ABCA10: variants seen among roughly 807,000 people sequenced by gnomAD.
ABCA10 encodes the protein ATP-binding cassette sub-family A member 10.
ABCA10 carries 169 observed loss-of-function variants against 187.5 expected under a neutral mutation model. The observed-to-expected ratio is 0.90, with a 90% CI of 0.80 to 1.02. The LOEUF (loss-of-function observed/expected upper bound fraction) is 1.02, where lower values mean the gene tolerates loss of function less well. Among genes scored for constraint, ABCA10 ranks in the 50% least tolerant of loss-of-function variants. ABCA10 has a pLI of 0.00. For synonymous variants in ABCA10, 574 were observed against 601.8 expected (o/e 0.95, Z 0.68); for missense variants, 1,727 against 1,812.4 (o/e 0.95, Z 0.86).
chr17:69,235,764 ACT>A (rs1352110481), intron 1 of ABCA10, among the ~76,000 whole-genome samples: 1 of 151,810 alleles, frequency 6.6e-6, no homozygotes, highest in Non-Finnish European at 1.5e-5. Flanking sequence ...TCTCATGGTT[ACT>A]GAGATTTAAA....
Position 69,152,443 on chromosome 17 carries a change from C to A in ABCA10, c.4175G>T (p.Gly1392Val). 4 of 1,613,664 alleles carry A rather than the reference C, an allele frequency of 2.5e-6. No individual in the cohort carries two copies. The highest frequency in any genetic ancestry group is 3.4e-6 in the Non-Finnish European group (4 of 1,179,760). ...LQATVKNKERGTLLTTHYMSE... is the reference protein window; with the variant it reads ...LQATVKNKERVTLLTTHYMSE... ...CATGTAATGGGTGGTCAAGAGGGTG[C>A]CCCTCTCCTTGTTTTTAACGGTAGC... The change falls in exon 35 of 39, where the codon GGC becomes GTC. Residue 1392 changes from glycine to valine, a missense_variant. By Grantham distance (109) the Gly-to-Val change is moderately radical. Coordinates refer to ENST00000690296, the MANE Select transcript of ABCA10 (RefSeq NM_001377321.1).
chr17:69,216,998 G>C (rs1308928434), intron 6 of ABCA10, among the ~76,000 whole-genome samples: 2 of 152,122 alleles, frequency 1.3e-5, no homozygotes, highest in African/African-American at 2.4e-5. Context: ...TGTAATCCCA[G>C]CACTTTGGGA....
intron 1 of ABCA10, among the ~76,000 whole-genome samples, chr17:69,239,816 C>A (rs938691162): frequency 1.3e-5 from 2 of 152,148 alleles, no homozygotes; most frequent in Non-Finnish European, 2.9e-5. Context: ...GTGACGTTGG[C>A]GTGCCCTTCA....
intron 27 of ABCA10, 115 bp from the exon 28 acceptor site, chr17:69,157,038 T>A: frequency 1.6e-6 from 1 of 617,260 alleles, no homozygotes; most frequent in Non-Finnish European, 2.6e-6. Context: ...GAAGATTTGA[T>A]CATTTTCTTT....
In ABCA10 at chr17:69,188,718, TG is replaced by T. The variant is rs535908797; in HGVS notation, c.2132-840del. Among the ~76,000 whole-genome samples, 252 of 152,118 alleles carry T rather than the reference TG, an allele frequency of 1.7e-3. 1 individual carries two copies. Among genetic ancestry groups the T allele is most frequent in the Non-Finnish European group, 2.7e-3 (186 of 67,966 alleles). ...CCACACTTAAGTAGGCCCTGGTGTC[TG>T]TTGTTCTCTTCTTTGTATTCGTGTG... On this transcript the variant is annotated intron_variant, in intron 18 of 38. Transcript: ENST00000690296.
At chr17:69,158,153 G>A (rs959372906) in intron 27 of ABCA10, among the ~76,000 whole-genome samples, 4 of 151,964 alleles carry the variant, frequency 2.6e-5, no homozygotes, top group Admixed American at 1.3e-4. Context: ...TAATGGTTAA[G>A]CACTAAGAAA....
At chr17:69,243,513 CA>C in intron 1 of ABCA10, among the ~76,000 whole-genome samples, 1 of 152,222 alleles carries the variant, frequency 6.6e-6, no homozygotes, top group South Asian at 2.1e-4. Flanking sequence ...CATTTTTGAC[CA>C]AAATGTTGTT....
intron 10 of ABCA10, among the ~76,000 whole-genome samples, chr17:69,201,189 C>T (rs1272255735): frequency 1.3e-5 from 2 of 152,018 alleles, no homozygotes; most frequent in Non-Finnish European, 2.9e-5. Flanking sequence ...TTATATACTG[C>T]ATATGTATAC....
At chr17:69,199,872 T>TA (rs1480070951) in intron 10 of ABCA10, among the ~76,000 whole-genome samples, 1 of 152,216 alleles carries the variant, frequency 6.6e-6, no homozygotes, top group African/African-American at 2.4e-5. Flanking sequence ...GTAATTTCTA[T>TA]AAGAATTAAT....
chr17:69,244,292 TAAAA>T (rs958322011), intron 1 of ABCA10: 1 of 151,882 alleles, frequency 6.6e-6, no homozygotes, highest in African/African-American at 2.4e-5. Flanking sequence ...CTCAGATACT[TAAAA>T]AAAATTACTA....
At chr17:69,159,781 G>C (rs2074200824) in intron 27 of ABCA10, among the ~76,000 whole-genome samples, 1 of 151,994 alleles carries the variant, frequency 6.6e-6, no homozygotes, top group East Asian at 1.9e-4. Context: ...AAATAAATCA[G>C]CTATAAAATT....
chr17:69,212,522 C>G (rs1271179546), intron 9 of ABCA10, among the ~76,000 whole-genome samples: 1 of 152,158 alleles, frequency 6.6e-6, no homozygotes, highest in Non-Finnish European at 1.5e-5. Context: ...TGTTAACTTT[C>G]TATCTTGATG....
At chr17:69,157,331 G>T (rs1272792532) in intron 27 of ABCA10, among the ~76,000 whole-genome samples, 1 of 152,144 alleles carries the variant, frequency 6.6e-6, no homozygotes, top group African/African-American at 2.4e-5. Context: ...GAAGACAGAA[G>T]AAACTGTTGA....
chr17:69,224,225 G>A (rs143552882), intron 3 of ABCA10, among the ~76,000 whole-genome samples: 1,602 of 152,240 alleles, frequency 0.011, 10 homozygotes, highest in Middle Eastern at 0.027. Context: ...TCAGAGTTTG[G>A]AGGTGTCCCT....
In ABCA10 at chr17:69,153,870, T is replaced by C. The variant is rs532320175; in HGVS notation, c.3926A>G (p.Lys1309Arg). 62 of 1,614,004 alleles carry C rather than the reference T, an allele frequency of 3.8e-5. No homozygotes were observed. In the Admixed American group the frequency reaches 1.0e-3, roughly 27 times the overall value. ...KEHLELYAAVKGLGKEDAALS... is the reference protein window; with the variant it reads ...KEHLELYAAVRGLGKEDAALS... ...AGCAGCATCTTCTTTGCCCAGTCCT[T>C]TCACAGCTGCATACAACTCCAAGTG... The change falls in exon 32 of 39, where the codon AAA becomes AGA. Residue 1309 changes from lysine (K) to arginine (R), a missense_variant. By Grantham distance (26) the Lys-to-Arg change is conservative (BLOSUM62 2). Coordinates refer to ENST00000690296, the MANE Select transcript of ABCA10 (RefSeq NM_001377321.1).
chr17:69,186,493 A>G (rs2074422373), intron 19 of ABCA10, among the ~76,000 whole-genome samples: 1 of 152,146 alleles, frequency 6.6e-6, no homozygotes, highest in African/African-American at 2.4e-5. Context: ...TTCATTATAA[A>G]ATCAACTTTC....
intron 9 of ABCA10, among the ~76,000 whole-genome samples, chr17:69,211,304 TC>T (rs1229393568): frequency 9.6e-4 from 55 of 57,514 alleles, no homozygotes; most frequent in African/African-American, 2.1e-3. Flanking sequence ...TATATATACA[TC>T]ATATATATGA....
rs200056708 is a variant in ABCA10 at position 69,192,551 on chromosome 17, T to C, written c.1871+12A>G. On this transcript the variant is annotated intron_variant, in intron 16 of 38. Transcript: ENST00000690296. ...ATGCTCATTTAAAAATAACTACACC[T>C]AGAATACATACCTTAAATGATATCC... The C allele has an allele frequency of 1.1e-5, 18 of 1,597,556 alleles. No individual in the cohort carries two copies. In the African/African-American group the frequency reaches 2.4e-4, roughly 21 times the overall value.
At position 69,191,204 on chromosome 17, in the gene ABCA10, CA is replaced by C. The variant is rs748689991; in HGVS notation, c.1982del (p.Leu661CysfsTer24). 6.3e-7 allele frequency: 1 copy of C among 1,595,284 alleles called. No homozygotes were observed. The highest frequency in any genetic ancestry group is 8.5e-7 in the Non-Finnish European group (1 of 1,169,724). On this transcript the variant is annotated frameshift_variant, in exon 17 of 39. Coordinates refer to ENST00000690296, the MANE Select transcript of ABCA10 (RefSeq NM_001377321.1). ...TESEEKLVYS[L>X]PLEKTNKFPD... is the part of the protein sequence containing the mutation. ...GAAATTTGTTCGTTTTTTCCAAAGG[CA>C]AACTATATACAAGTTTTTCTTCACT...
Sources: gnomAD v4.1 joint callset for allele counts (sites outside exome capture counted in the v4.1 genomes callset) on GRCh38, gnomAD v4.1.1 for gene constraint, MANE v1.5 for transcripts, NCBI Gene and HGNC (gene_info 2026-07-23, HGNC 2026-07-21) for gene names.